KCNQ1OT1: variants seen among roughly 807,000 people sequenced by gnomAD.
KCNQ1OT1 encodes the protein KCNQ1 opposite strand/antisense transcript 1.
exon 1 of KCNQ1OT1, chr11:2,629,893 T>C (rs1376777394): frequency 5.0e-6 from 2 of 398,116 alleles, no homozygotes; most frequent in Non-Finnish European, 8.9e-6. Flanking sequence ...CTTCCTTCTT[T>C]CTGATTTGAG....
At chr11:2,692,577 T>G in exon 1 of KCNQ1OT1, 1 of 398,808 alleles carries the variant, frequency 2.5e-6, no homozygotes, top group Non-Finnish European at 4.4e-6. Flanking sequence ...AAGGGAGTTT[T>G]TCAGACCCCA....
In KCNQ1OT1 at chr11:2,623,734, CTG is replaced by C; in HGVS notation, n.76259_76260del. ...ACAAATAAAGCTTCTGTAAACATCT[CTG>C]TGCAGATTTTTATGTGAATATAAGT... On this transcript the variant is annotated non_coding_transcript_exon_variant, in exon 1 of 1. Transcript: ENST00000597346. This position sits in a 1 kb window ranked among gnomAD's most constrained non-coding sequence, Gnocchi z 5.2. 1 of 398,528 alleles carries C rather than the reference CTG, an allele frequency of 2.5e-6. No individual in the cohort carries two copies. Among genetic ancestry groups the C allele is most frequent in the Non-Finnish European group, 4.4e-6 (1 of 226,028 alleles). The allele number at this position is 398,528 out of a possible 1,614,324, so 24.7% of individuals were successfully genotyped here. A position where few individuals can be genotyped will look rare whatever the true frequency, so the allele number is the denominator to read the frequency against.
rs1849957074 is a variant in KCNQ1OT1, at chr11:2,661,577, T to G, written n.38418A>C. 1 of 558,328 alleles carries G rather than the reference T, an allele frequency of 1.8e-6. No individual in the cohort carries two copies. Among genetic ancestry groups the G allele is most frequent in the Non-Finnish European group, 3.2e-6 (1 of 314,240 alleles). The allele number at this position is 558,328 out of a possible 1,614,324, so 34.6% of individuals were successfully genotyped here. A position where few individuals can be genotyped will look rare whatever the true frequency, so the allele number is the denominator to read the frequency against. On this transcript the variant is annotated non_coding_transcript_exon_variant, in exon 1 of 1. Transcript: ENST00000597346. This position sits in a 1 kb window ranked among gnomAD's most constrained non-coding sequence, Gnocchi z 5.9. ...GTATGAGTGTGACAATGTATGGTGGTGGGAGCTGTTGTCCCTTACCAGGCC... is the reference window on the plus strand; with the variant it reads ...GTATGAGTGTGACAATGTATGGTGGGGGGAGCTGTTGTCCCTTACCAGGCC...
Position 2,617,764 on chromosome 11 carries a change from T to C in KCNQ1OT1, n.82231A>G. 1 of 398,584 alleles carries C rather than the reference T, an allele frequency of 2.5e-6. No homozygotes were observed. Among genetic ancestry groups the C allele is most frequent in the Non-Finnish European group, 4.4e-6 (1 of 226,034 alleles). The allele number at this position is 398,584 out of a possible 1,614,324, so 24.7% of individuals were successfully genotyped here. A position where few individuals can be genotyped will look rare whatever the true frequency, so the allele number is the denominator to read the frequency against. ...GGTGATATCGCATAGTAATTTTGAT[T>C]TGCATTTCCCTGACGATTAGTGATG... On this transcript the variant is annotated non_coding_transcript_exon_variant, in exon 1 of 1. Coordinates refer to ENST00000597346, the Ensembl canonical transcript of KCNQ1OT1. The surrounding 1 kb of genome is among the most constrained non-coding windows in gnomAD (Gnocchi z 4.6).
exon 1 of KCNQ1OT1, chr11:2,622,837 C>G: frequency 2.5e-6 from 1 of 398,638 alleles, no homozygotes; most frequent in Non-Finnish European, 4.4e-6. Context: ...AACTCTCCCA[C>G]CAGAGTGGCA....
chr11:2,664,970 G>A lies in KCNQ1OT1; in HGVS notation n.35025C>T. 2.5e-6 allele frequency: 1 copy of A among 398,654 alleles called. No homozygotes were observed. Among genetic ancestry groups the A allele is most frequent in the Non-Finnish European group, 4.4e-6 (1 of 226,114 alleles). 24.7% of individuals were successfully genotyped at this position (398,654 alleles called of 1,614,324 possible). On this transcript the variant is annotated non_coding_transcript_exon_variant, in exon 1 of 1. Coordinates refer to ENST00000597346, the Ensembl canonical transcript of KCNQ1OT1. This position sits in a 1 kb window ranked among gnomAD's most constrained non-coding sequence, Gnocchi z 5.1. The stretch of plus-strand genomic sequence containing the variant: ...TCACTATAGCCTTGATTACGGGAAG[G>A]TCCCTGGGGCTGGGCGAAGCTCCTC...
In KCNQ1OT1 at chr11:2,678,925, T is replaced by C. The variant is rs969884905; in HGVS notation, n.21070A>G. 1.3e-5 allele frequency: 5 copies of C among 398,480 alleles called. No individual in the cohort carries two copies. The highest frequency in any genetic ancestry group is 4.1e-5 in the African/African-American group (2 of 48,592). 24.7% of individuals were successfully genotyped at this position (398,480 alleles called of 1,614,324 possible). A position where few individuals can be genotyped will look rare whatever the true frequency, so the allele number is the denominator to read the frequency against. The stretch of plus-strand genomic sequence containing the variant: ...TGTATGATCATACTTTCAGGGCATC[T>C]TGGAAAAACTGAATTTGCTAACTCA... On this transcript the variant is annotated non_coding_transcript_exon_variant, in exon 1 of 1. Transcript: ENST00000597346. The surrounding 1 kb of genome is among the most constrained non-coding windows in gnomAD (Gnocchi z 4.9).
chr11:2,609,791 A>G (rs1168562468), exon 1 of KCNQ1OT1: 6 of 398,126 alleles, frequency 1.5e-5, no homozygotes, highest in Non-Finnish European at 2.2e-5. Flanking sequence ...TAACTTCAGT[A>G]ACATTCTTAA....
exon 1 of KCNQ1OT1, chr11:2,640,285 A>T (rs1849552867): frequency 2.5e-6 from 1 of 397,792 alleles, no homozygotes; most frequent in African/African-American, 2.1e-5. Flanking sequence ...GAAATCACCC[A>T]TCTTCTGCGT....
In KCNQ1OT1 at chr11:2,698,191, A is replaced by C. The variant is rs901880305; in HGVS notation, n.1804T>G. 2 of 398,552 alleles carry C rather than the reference A, an allele frequency of 5.0e-6. No homozygotes were observed. Among genetic ancestry groups the C allele is most frequent in the Non-Finnish European group, 8.8e-6 (2 of 226,082 alleles). 24.7% of individuals were successfully genotyped at this position (398,552 alleles called of 1,614,324 possible). A position where few individuals can be genotyped will look rare whatever the true frequency, so the allele number is the denominator to read the frequency against. ...CTTTTGGTCTAGCAAAAGGGGCACC[A>C]CAGTAAAGAAAGAACTGGTAAATGC... On this transcript the variant is annotated non_coding_transcript_exon_variant, in exon 1 of 1. Coordinates refer to ENST00000597346, the Ensembl canonical transcript of KCNQ1OT1. The surrounding 1 kb of genome is among the most constrained non-coding windows in gnomAD (Gnocchi z 5.1).
exon 1 of KCNQ1OT1, chr11:2,644,239 G>A (rs1362304865): frequency 2.5e-6 from 1 of 398,084 alleles, no homozygotes; most frequent in Admixed American, 4.4e-5. Context: ...TCACCTTATG[G>A]CATCCTATAG....
exon 1 of KCNQ1OT1, chr11:2,696,015 A>G: frequency 2.5e-6 from 1 of 398,604 alleles, no homozygotes; most frequent in Non-Finnish European, 4.4e-6. Context: ...CATGAGTGTA[A>G]AAGTGAAAAA....
chr11:2,645,146 C>T lies in KCNQ1OT1; in HGVS notation n.54849G>A. ...ATGGCAGTAGCAGTGGCAGAACAAT[C>T]TTCTGCCTCCCAAGGTGTCCATGCT... On this transcript the variant is annotated non_coding_transcript_exon_variant, in exon 1 of 1. Coordinates refer to ENST00000597346, the Ensembl canonical transcript of KCNQ1OT1. The surrounding 1 kb of genome is among the most constrained non-coding windows in gnomAD (Gnocchi z 5.8). The T allele has an allele frequency of 5.0e-6, 2 of 398,680 alleles. No individual in the cohort carries two copies. The highest frequency in any genetic ancestry group is 8.8e-6 in the Non-Finnish European group (2 of 226,124). The allele number at this position is 398,680 out of a possible 1,614,324, so 24.7% of individuals were successfully genotyped here.
chr11:2,645,498 A>G lies in KCNQ1OT1; in HGVS notation n.54497T>C. ...CCCTGCTGAATGCTCATGTTGGGGC[A>G]GCAGCAACTCTATTGCAGCCCTACT... is the stretch of plus-strand genomic sequence containing the variant. On this transcript the variant is annotated non_coding_transcript_exon_variant, in exon 1 of 1. Transcript: ENST00000597346. The surrounding 1 kb of genome is among the most constrained non-coding windows in gnomAD (Gnocchi z 5.8). 4 of 398,706 alleles carry G rather than the reference A, an allele frequency of 1.0e-5. No individual in the cohort carries two copies. The highest frequency in any genetic ancestry group is 1.8e-5 in the Non-Finnish European group (4 of 226,158). 24.7% of individuals were successfully genotyped at this position (398,706 alleles called of 1,614,324 possible).
At position 2,654,038 on chromosome 11, in the gene KCNQ1OT1, T is replaced by G. The variant is rs1849798369; in HGVS notation, n.45957A>C. 2.5e-6 allele frequency: 1 copy of G among 398,586 alleles called. No homozygotes were observed. Among genetic ancestry groups the G allele is most frequent in the Non-Finnish European group, 4.4e-6 (1 of 226,120 alleles). 24.7% of individuals were successfully genotyped at this position (398,586 alleles called of 1,614,324 possible). A position where few individuals can be genotyped will look rare whatever the true frequency, so the allele number is the denominator to read the frequency against. ...ATTTTCACTCCATTCCTCGCCTTGT[T>G]CCTGGCAGCTGTTGTGGGAATGGCT... On this transcript the variant is annotated non_coding_transcript_exon_variant, in exon 1 of 1. Coordinates refer to ENST00000597346, the Ensembl canonical transcript of KCNQ1OT1. This position sits in a 1 kb window ranked among gnomAD's most constrained non-coding sequence, Gnocchi z 6.4.
chr11:2,631,118 A>G (rs375573909), exon 1 of KCNQ1OT1: 30 of 398,590 alleles, frequency 7.5e-5, no homozygotes, highest in East Asian at 3.2e-4. Flanking sequence ...ATGTCCATCA[A>G]TCTGGGAAGA....
chr11:2,678,353 A>C lies in KCNQ1OT1; in HGVS notation n.21642T>G, dbSNP rs1850328802. On this transcript the variant is annotated non_coding_transcript_exon_variant, in exon 1 of 1. Transcript: ENST00000597346. This position sits in a 1 kb window ranked among gnomAD's most constrained non-coding sequence, Gnocchi z 4.9. ...ACATTTAAATCCTTGCTTTATCGGG[A>C]TTTTGACAGAGTAATTAAATCCAAT... 5.0e-6 allele frequency: 2 copies of C among 398,152 alleles called. No homozygotes were observed. The highest frequency in any genetic ancestry group is 8.9e-6 in the Non-Finnish European group (2 of 225,924). The allele number at this position is 398,152 out of a possible 1,614,324, so 24.7% of individuals were successfully genotyped here.
chr11:2,611,968 T>G lies in KCNQ1OT1; in HGVS notation n.88027A>C, dbSNP rs577111100. 3 of 398,652 alleles carry G rather than the reference T, an allele frequency of 7.5e-6. No individual in the cohort carries two copies. Among genetic ancestry groups the G allele is most frequent in the East Asian group, 7.1e-5 (2 of 28,080 alleles). The allele number at this position is 398,652 out of a possible 1,614,324, so 24.7% of individuals were successfully genotyped here. On this transcript the variant is annotated non_coding_transcript_exon_variant, in exon 1 of 1. Coordinates refer to ENST00000597346, the Ensembl canonical transcript of KCNQ1OT1. The surrounding 1 kb of genome is among the most constrained non-coding windows in gnomAD (Gnocchi z 5.3). ...TACTCAAATATTTTTGTCTGCCCTA[T>G]TCTCTCCTTCTCAGTACTCTTATTA...
exon 1 of KCNQ1OT1, chr11:2,631,615 C>A: frequency 2.5e-6 from 1 of 398,370 alleles, no homozygotes; most frequent in South Asian, 1.3e-4. Flanking sequence ...TTGTATTTCT[C>A]AGGTGGGTGC....
Sources: gnomAD v4.1 joint callset for allele counts on GRCh38, gnomAD v4.1.1 for gene constraint, Gnocchi (gnomAD v3.1) non-coding constraint, MANE v1.5 for transcripts, NCBI Gene and HGNC (gene_info 2026-07-23, HGNC 2026-07-21) for gene names.